The following PJA2 variants were observed in gnomAD, a reference collection of about 807,000 sequenced individuals.
PJA2 encodes the protein E3 ubiquitin-protein ligase Praja-2.
Under a neutral mutation model 69.3 loss-of-function variants are expected in PJA2, and 25 were observed. That is an observed-to-expected ratio of 0.36 (90% CI 0.26 to 0.50). PJA2 has a LOEUF of 0.50. Among genes scored for constraint, PJA2 ranks in the 20% least tolerant of loss-of-function variants. The pLI is 0.96. For missense variants in PJA2, 809 were observed against 830.2 expected, an observed-to-expected ratio of 0.97 and a Z score of 0.31; for synonymous variants, 308 against 277.8, an observed-to-expected ratio of 1.11 and a Z score of -1.08.
At chr5:109,354,416 A>T (rs62643557) in intron 7 of PJA2, among the ~76,000 whole-genome samples, 2 of 91,710 alleles carry the variant, frequency 2.2e-5, no homozygotes, top group Admixed American at 1.2e-4. Flanking sequence ...TCTATAGATT[A>T]GATATCTATG....
chr5:109,404,073 AAAC>A (rs139131450), intron 1 of PJA2, among the ~76,000 whole-genome samples: 86,590 of 150,222 alleles, frequency 0.58, 26,450 homozygotes, highest in Middle Eastern at 0.71. Flanking sequence ...TCCATCTCAA[AAAC>A]AACAACAACA....
intron 1 of PJA2, among the ~76,000 whole-genome samples, chr5:109,393,287 TAC>T (rs1394284842): frequency 6.6e-6 from 1 of 152,206 alleles, no homozygotes; most frequent in Non-Finnish European, 1.5e-5. Flanking sequence ...AAGTTATCAT[TAC>T]ACACCGGAGA....
chr5:109,377,429 C>T (rs1289444202), intron 4 of PJA2, among the ~76,000 whole-genome samples: 1 of 152,014 alleles, frequency 6.6e-6, no homozygotes, highest in East Asian at 1.9e-4. Context: ...CAAAGAAATT[C>T]TCCATTTTTT....
intron 1 of PJA2, among the ~76,000 whole-genome samples, chr5:109,390,173 A>T (rs1747249300): frequency 1.3e-5 from 2 of 152,006 alleles, no homozygotes; most frequent in Admixed American, 6.5e-5. Flanking sequence ...TTGTTCTACC[A>T]GTTACTTTGA....
intron 9 of PJA2, among the ~76,000 whole-genome samples, chr5:109,338,944 C>A (rs1248866490): frequency 1.3e-5 from 2 of 152,140 alleles, no homozygotes; most frequent in African/African-American, 4.8e-5. Context: ...CTGAAGCTAT[C>A]ATGGGAATTT....
intron 1 of PJA2, among the ~76,000 whole-genome samples, chr5:109,406,631 C>G (rs569706209): frequency 1.3e-5 from 2 of 152,246 alleles, no homozygotes; most frequent in East Asian, 3.9e-4. Context: ...TTATAAACAT[C>G]CATGTATCAT....
At chr5:109,363,851 GA>G (rs933974689) in intron 5 of PJA2, among the ~76,000 whole-genome samples, 239 of 151,892 alleles carry the variant, frequency 1.6e-3, no homozygotes, top group Non-Finnish European at 2.9e-3. Flanking sequence ...AAAACAGGAA[GA>G]AAAAAAAGGA....
chr5:109,359,787 A>G (rs1312056872), intron 6 of PJA2, among the ~76,000 whole-genome samples: 1 of 152,234 alleles, frequency 6.6e-6, no homozygotes, highest in Admixed American at 6.5e-5. Context: ...GAACAACTAC[A>G]AACATCTAAA....
intron 1 of PJA2, among the ~76,000 whole-genome samples, chr5:109,396,576 G>A (rs552706687): frequency 7.3e-4 from 110 of 151,350 alleles, no homozygotes; most frequent in African/African-American, 2.5e-3. Context: ...ACAGGCATGC[G>A]CCACCACGTC....
intron 1 of PJA2, among the ~76,000 whole-genome samples, chr5:109,397,613 G>C (rs7710668): frequency 5.3e-5 from 8 of 151,998 alleles, no homozygotes; most frequent in South Asian, 2.1e-4. Flanking sequence ...CTGCCTCTCA[G>C]GTTCAAGCAA....
At position 109,354,056 on chromosome 5, in the gene PJA2, A is replaced by G. The variant is rs1373167757; in HGVS notation, c.1764+1859T>C. ...AGAGATATCTATAGATTAGATATCT[A>G]TGATATCTAGAGATATCTATAGATT... On this transcript the variant is annotated intron_variant, in intron 7 of 9. Coordinates refer to ENST00000361189, the MANE Select transcript of PJA2 (RefSeq NM_014819.5). Among the ~76,000 whole-genome samples the G allele has an allele frequency of 3.3e-5, 4 of 121,742 alleles. 1 individual carries two copies. Among genetic ancestry groups the G allele is most frequent in the African/African-American group, 9.9e-5 (3 of 30,456 alleles). The allele number at this position is 121,742 out of a possible 152,430, so 79.9% of individuals were successfully genotyped here.
intron 9 of PJA2, 90 bp downstream of exon 9, chr5:109,344,100 C>CAAAA (rs916556182): frequency 3.4e-4 from 136 of 398,496 alleles, no homozygotes; most frequent in Admixed American, 6.0e-4. Flanking sequence ...TTTGTCTCAC[C>CAAAA]AAAAAAAAAA....
At chr5:109,405,960 G>A (rs1475401830) in intron 1 of PJA2, among the ~76,000 whole-genome samples, 1 of 150,722 alleles carries the variant, frequency 6.6e-6, no homozygotes, top group African/African-American at 2.4e-5. Context: ...GTGTGTGTGT[G>A]TGTTTATGTA....
At chr5:109,342,547 G>A (rs1446380357) in intron 9 of PJA2, among the ~76,000 whole-genome samples, 1 of 110,536 alleles carries the variant, frequency 9.0e-6, no homozygotes, top group Non-Finnish European at 1.9e-5. Context: ...CCCCCACCCG[G>A]CCAGCCGCCC....
At chr5:109,379,297 T>C (rs748965620) in intron 3 of PJA2, 43 bp from the exon 4 acceptor site, 1 of 1,378,876 alleles carries the variant, frequency 7.3e-7, no homozygotes, top group Non-Finnish European at 9.8e-7. Flanking sequence ...AGGATTAACT[T>C]AGATAAAATT....
intron 1 of PJA2, among the ~76,000 whole-genome samples, chr5:109,403,308 C>T (rs749323232): frequency 3.3e-5 from 5 of 151,824 alleles, no homozygotes; most frequent in Non-Finnish European, 5.9e-5. Context: ...ATACAAAGAC[C>T]GAAAGCTTTC....
intron 7 of PJA2, among the ~76,000 whole-genome samples, chr5:109,351,444 T>C (rs1292824232): frequency 6.6e-6 from 1 of 152,152 alleles, no homozygotes; most frequent in Non-Finnish European, 1.5e-5. Flanking sequence ...ATACTATTAA[T>C]TGTAACTCAA....
chr5:109,357,959 A>C (rs1035523190), intron 6 of PJA2, among the ~76,000 whole-genome samples: 1 of 152,244 alleles, frequency 6.6e-6, no homozygotes, highest in African/African-American at 2.4e-5. Context: ...ACTACAAATA[A>C]TCATTTAAAA....
At chr5:109,353,098 A>C (rs1281346826) in intron 7 of PJA2, among the ~76,000 whole-genome samples, 2 of 146,004 alleles carry the variant, frequency 1.4e-5, no homozygotes, top group Non-Finnish European at 3.0e-5. Context: ...ACATCTATAT[A>C]TTAGATACCT....
Sources: gnomAD v4.1 joint callset for allele counts (sites outside exome capture counted in the v4.1 genomes callset) on GRCh38, gnomAD v4.1.1 for gene constraint, MANE v1.5 for transcripts, NCBI Gene and HGNC (gene_info 2026-07-23, HGNC 2026-07-21) for gene names.